Variants in TAFA5 observed in about 807,000 individuals in gnomAD.
TAFA5 encodes TAFA chemokine like family member 5.
TAFA5 carries 6 observed loss-of-function variants against 15.3 expected under a neutral mutation model. The ratio of observed to expected loss-of-function variants is 0.39; its 90% CI spans 0.21 to 0.77. The LOEUF (loss-of-function observed/expected upper bound fraction) is 0.77, where lower values mean the gene tolerates loss of function less well. Ranked by LOEUF, TAFA5 falls within the 30% of genes least tolerant of loss-of-function variation. The probability of loss-of-function intolerance (pLI) is 0.41; values close to 1 mark genes in which losing one functional copy is unlikely to be tolerated. For synonymous variants in TAFA5, 103 were observed against 80.7 expected (o/e 1.28, Z -1.48); for missense variants, 161 against 193.1 (o/e 0.83, Z 0.98).
chr22:48,656,396 C>T (rs1313591685), intron 2 of TAFA5, among the ~76,000 whole-genome samples: 2 of 151,816 alleles, frequency 1.3e-5, no homozygotes, highest in Non-Finnish European at 2.9e-5. Flanking sequence ...GTCTTAGCTA[C>T]TTGGGAGGCT....
chr22:48,702,619 C>T (rs1000896747), intron 2 of TAFA5, among the ~76,000 whole-genome samples: 4 of 152,174 alleles, frequency 2.6e-5, no homozygotes, highest in African/African-American at 4.8e-5. Context: ...TGGGTAATGA[C>T]GTTTGTCTGC....
intron 2 of TAFA5, among the ~76,000 whole-genome samples, chr22:48,650,595 G>A (rs1927017969): frequency 6.6e-6 from 1 of 152,152 alleles, no homozygotes; most frequent in African/African-American, 2.4e-5. Context: ...GGTTAGAGAG[G>A]AATTCTAGCC....
intron 3 of TAFA5, among the ~76,000 whole-genome samples, chr22:48,713,370 C>G (rs1929311803): frequency 6.6e-6 from 1 of 152,200 alleles, no homozygotes; most frequent in Non-Finnish European, 1.5e-5. Flanking sequence ...TCAGGCCATT[C>G]CAGGGCCTCC....
intron 1 of TAFA5, among the ~76,000 whole-genome samples, chr22:48,629,822 C>G (rs1213147992): frequency 6.6e-6 from 1 of 152,236 alleles, no homozygotes; most frequent in Non-Finnish European, 1.5e-5. Flanking sequence ...TGCAGGAAAC[C>G]CTGGATCACA....
intron 2 of TAFA5, among the ~76,000 whole-genome samples, chr22:48,651,120 A>C (rs1927039282): frequency 6.6e-6 from 1 of 152,182 alleles, no homozygotes; most frequent in African/African-American, 2.4e-5. Context: ...AGTTCTCCTG[A>C]AACTCCTTTC....
intron 3 of TAFA5, among the ~76,000 whole-genome samples, chr22:48,717,381 G>A (rs1929433303): frequency 6.6e-6 from 1 of 152,194 alleles, no homozygotes. Flanking sequence ...CCCAGGAGGA[G>A]CCCTGCACGT....
At chr22:48,528,066 TG>T (rs1179195775) in intron 1 of TAFA5, among the ~76,000 whole-genome samples, 7 of 152,200 alleles carry the variant, frequency 4.6e-5, no homozygotes, top group Non-Finnish European at 8.8e-5. Flanking sequence ...CTTGGCCGCC[TG>T]GGCCCCCCGG....
chr22:48,737,354 G>A (rs545997533), intron 3 of TAFA5, among the ~76,000 whole-genome samples: 151 of 152,302 alleles, frequency 9.9e-4, no homozygotes, highest in African/African-American at 3.5e-3. Context: ...TAGGGACCCC[G>A]AGCTGCCCTA....
intron 3 of TAFA5, among the ~76,000 whole-genome samples, chr22:48,720,062 G>A (rs1451732915): frequency 2.0e-5 from 3 of 152,186 alleles, no homozygotes; most frequent in South Asian, 2.1e-4. Flanking sequence ...TCTTTGAATC[G>A]TTTTAAATAC....
chr22:48,643,531 C>G (rs1286495518), intron 1 of TAFA5, among the ~76,000 whole-genome samples: 1 of 152,202 alleles, frequency 6.6e-6, no homozygotes, highest in Non-Finnish European at 1.5e-5. Context: ...GTGCCCCTTA[C>G]AGAGGAGGAG....
chr22:48,734,011 T>G (rs1188358043), intron 3 of TAFA5, among the ~76,000 whole-genome samples: 1 of 152,174 alleles, frequency 6.6e-6, no homozygotes, highest in East Asian at 1.9e-4. Flanking sequence ...GCTGGTCACC[T>G]TTAGGAGAAG....
intron 2 of TAFA5, among the ~76,000 whole-genome samples, chr22:48,684,714 G>A (rs1382437348): frequency 6.6e-6 from 1 of 152,196 alleles, no homozygotes; most frequent in Non-Finnish European, 1.5e-5. Context: ...AAAGACTGAG[G>A]CTGTGTCTGG....
intron 2 of TAFA5, among the ~76,000 whole-genome samples, chr22:48,697,585 CTG>C (rs1037628536): frequency 4.4e-5 from 6 of 135,978 alleles, no homozygotes; most frequent in South Asian, 2.4e-4. Context: ...GTGATAATGA[CTG>C]TGATGTTGAG....
intron 2 of TAFA5, among the ~76,000 whole-genome samples, chr22:48,694,689 C>T (rs1350327358): frequency 2.0e-5 from 3 of 152,140 alleles, no homozygotes; most frequent in Non-Finnish European, 2.9e-5. Flanking sequence ...CCCCGGGCCA[C>T]AGTGCCCTGG....
intron 3 of TAFA5, among the ~76,000 whole-genome samples, chr22:48,730,829 T>C (rs1929849807): frequency 6.6e-6 from 1 of 152,182 alleles, no homozygotes; most frequent in South Asian, 2.1e-4. Flanking sequence ...CTCCCTGTTC[T>C]CTGAATCAAC....
intron 1 of TAFA5, among the ~76,000 whole-genome samples, chr22:48,614,289 C>A (rs1039609054): frequency 2.0e-5 from 3 of 152,216 alleles, no homozygotes; most frequent in Non-Finnish European, 4.4e-5. Context: ...ACCCATCTGC[C>A]CCCCACAACT....
chr22:48,735,185 C>T (rs979116559), intron 3 of TAFA5, among the ~76,000 whole-genome samples: 4 of 152,316 alleles, frequency 2.6e-5, no homozygotes, highest in East Asian at 1.9e-4. Context: ...AGACCACCCA[C>T]GAGCCACAGA....
intron 1 of TAFA5, among the ~76,000 whole-genome samples, chr22:48,501,877 T>C (rs372321249): frequency 6.6e-6 from 1 of 152,166 alleles, no homozygotes; most frequent in Non-Finnish European, 1.5e-5. Flanking sequence ...GTCCCCAGAA[T>C]GGTCTTCTGA....
At chr22:48,492,305 A>C (rs1244880981) in intron 1 of TAFA5, among the ~76,000 whole-genome samples, 1 of 152,350 alleles carries the variant, frequency 6.6e-6, no homozygotes, top group Admixed American at 6.5e-5. Context: ...TTGTGTTATG[A>C]AGCAGATATA....
Sources: allele counts gnomAD v4.1 joint callset (sites outside exome capture counted in the v4.1 genomes callset), GRCh38; gene constraint gnomAD v4.1.1; transcripts MANE v1.5; gene names NCBI Gene and HGNC (gene_info 2026-07-23, HGNC 2026-07-21).